The following TSC22D2 variants were observed in gnomAD, a reference collection of about 807,000 sequenced individuals.
TSC22D2 encodes the protein TSC22 domain family protein 2.
A neutral mutation model predicts 50.1 loss-of-function variants in TSC22D2; 5 were observed. The ratio of observed to expected loss-of-function variants is 0.10; its 90% CI spans 0.05 to 0.21. The LOEUF (loss-of-function observed/expected upper bound fraction) is 0.21, where lower values mean the gene tolerates loss of function less well. Among genes scored for constraint, TSC22D2 ranks in the 10% least tolerant of loss-of-function variants. TSC22D2 has a pLI of 1.00. For missense variants in TSC22D2, 1,003 were observed against 1,015.5 expected, an observed-to-expected ratio of 0.99 and a Z score of 0.17; for synonymous variants, 501 against 450.1, an observed-to-expected ratio of 1.11 and a Z score of -1.43.
In TSC22D2 at chr3:150,410,409, G is replaced by A. The variant is rs1719490388; in HGVS notation, c.1059G>A (p.Gln353=). ...CAGTGGGCGCCCCCGCGGCGCAGCA[G>A]CCCCAGCAGTTCGCGTATCCTCAGC... ...GPAVGAPAAQ[Q]PQQFAYPQPQ... Residue 353 remains glutamine, a synonymous_variant, in exon 1 of 3, where the codon CAG becomes CAA. Transcript: ENST00000688009. 18 of 1,608,626 alleles carry A rather than the reference G, an allele frequency of 1.1e-5. No homozygotes were observed. The highest frequency in any genetic ancestry group is 1.5e-5 in the Non-Finnish European group (18 of 1,178,354).
At chr3:150,434,208 G>A (rs1720466510) in intron 1 of TSC22D2, among the ~76,000 whole-genome samples, 1 of 151,124 alleles carries the variant, frequency 6.6e-6, no homozygotes, top group African/African-American at 2.4e-5. Context: ...GAATGCAGTG[G>A]CACAATGTTG....
rs1398960055 is a variant in TSC22D2, at chr3:150,461,944, A to G, written c.*3308A>G. ...AGAAATAGCTAATTGTCTGGAAACA[A>G]TTTTTAAGATTTGAAGTCACATTTT... On this transcript the variant is annotated 3_prime_UTR_variant, in exon 3 of 3. Coordinates refer to ENST00000688009, the MANE Select transcript of TSC22D2 (RefSeq NM_001303264.2). 1 of 152,078 alleles carries G rather than the reference A, an allele frequency of 6.6e-6. No individual in the cohort carries two copies. Among genetic ancestry groups the G allele is most frequent in the Non-Finnish European group, 1.5e-5 (1 of 68,018 alleles). 9.4% of individuals were successfully genotyped at this position (152,078 alleles called of 1,614,324 possible).
At chr3:150,440,643 G>A (rs1720685206) in intron 1 of TSC22D2, among the ~76,000 whole-genome samples, 1 of 144,718 alleles carries the variant, frequency 6.9e-6, no homozygotes, top group Admixed American at 7.0e-5. Context: ...CTATGTGAGA[G>A]TTTTCCATTT....
In TSC22D2 at chr3:150,464,168, A is replaced by G. The variant is rs1576563919; in HGVS notation, c.*5532A>G. 1 of 152,230 alleles carries G rather than the reference A, an allele frequency of 6.6e-6. No individual in the cohort carries two copies. Among genetic ancestry groups the G allele is most frequent in the Admixed American group, 6.6e-5 (1 of 15,266 alleles). 9.4% of individuals were successfully genotyped at this position (152,230 alleles called of 1,614,324 possible). A position where few individuals can be genotyped will look rare whatever the true frequency, so the allele number is the denominator to read the frequency against. ...ATGCCTACAATATTTCCATATAACAACTGTAAAATACTCTTGCCTGCTGCA... is the reference window on the plus strand; with the variant it reads ...ATGCCTACAATATTTCCATATAACAGCTGTAAAATACTCTTGCCTGCTGCA... On this transcript the variant is annotated 3_prime_UTR_variant, in exon 3 of 3. Coordinates refer to ENST00000688009, the MANE Select transcript of TSC22D2 (RefSeq NM_001303264.2).
chr3:150,451,549 G>A (rs1217040878), intron 1 of TSC22D2, among the ~76,000 whole-genome samples: 1 of 152,072 alleles, frequency 6.6e-6, no homozygotes, highest in African/African-American at 2.4e-5. Flanking sequence ...ACATAATTCT[G>A]GATTTATTTC....
At chr3:150,428,194 C>T (rs1053816502) in intron 1 of TSC22D2, among the ~76,000 whole-genome samples, 1 of 152,034 alleles carries the variant, frequency 6.6e-6, no homozygotes, top group African/African-American at 2.4e-5. Context: ...AGTCAGTTAA[C>T]TAAGATTGCC....
At chr3:150,421,976 A>C (rs145400926) in intron 1 of TSC22D2, among the ~76,000 whole-genome samples, 1 of 152,344 alleles carries the variant, frequency 6.6e-6, no homozygotes, top group African/African-American at 2.4e-5. Flanking sequence ...ATTGCCACCT[A>C]CTAGCTCAGT....
intron 1 of TSC22D2, among the ~76,000 whole-genome samples, chr3:150,414,862 G>C (rs1317488994): frequency 6.6e-6 from 1 of 151,254 alleles, no homozygotes; most frequent in Non-Finnish European, 1.5e-5. Context: ...TTTCTTACTT[G>C]AATCTCTGTT....
intron 1 of TSC22D2, among the ~76,000 whole-genome samples, chr3:150,413,563 T>G (rs1302309706): frequency 4.6e-5 from 5 of 109,624 alleles, no homozygotes; most frequent in Non-Finnish European, 9.5e-5. Context: ...TGTTTTGTGT[T>G]TTTTTTTTTT....
intron 1 of TSC22D2, among the ~76,000 whole-genome samples, chr3:150,411,683 G>A (rs1719577941): frequency 6.6e-6 from 1 of 152,100 alleles, no homozygotes; most frequent in South Asian, 2.1e-4. Context: ...GTCAGTGTGA[G>A]TTTTGAGGCT....
chr3:150,443,832 T>C (rs191747275), intron 1 of TSC22D2, among the ~76,000 whole-genome samples: 1 of 152,370 alleles, frequency 6.6e-6, no homozygotes, highest in Admixed American at 6.5e-5. Context: ...TGGTTTCTCC[T>C]TAAATCCATG....
intron 1 of TSC22D2, among the ~76,000 whole-genome samples, chr3:150,453,541 A>G (rs1050083525): frequency 6.6e-6 from 1 of 152,174 alleles, no homozygotes; most frequent in African/African-American, 2.4e-5. Flanking sequence ...GTTTGTTAAA[A>G]TAGATTACGG....
rs374904061 is a variant in TSC22D2, at chr3:150,452,385, C to T, written c.1959-4691C>T. Among the ~76,000 whole-genome samples the T allele has an allele frequency of 1.5e-4, 23 of 151,692 alleles. No homozygotes were observed. In the East Asian group the frequency reaches 3.9e-3, roughly 25 times the overall value. ...GCTTGAACCCGGGAGGAAGAAGTTG[C>T]GGTGAGCTGAGATCGCGCCATTTCA... On this transcript the variant is annotated intron_variant, in intron 1 of 2. Transcript: ENST00000688009.
At chr3:150,453,274 G>T (rs1358820519) in intron 1 of TSC22D2, among the ~76,000 whole-genome samples, 1 of 152,180 alleles carries the variant, frequency 6.6e-6, no homozygotes, top group Non-Finnish European at 1.5e-5. Flanking sequence ...ATAACATTAG[G>T]TGAAGGAAGG....
intron 1 of TSC22D2, 122 bp downstream of exon 1, chr3:150,411,430 T>C: frequency 9.1e-7 from 1 of 1,104,972 alleles, no homozygotes; most frequent in Non-Finnish European, 1.3e-6. Context: ...CAAAATTTAG[T>C]TTTTGGTAAA....
intron 1 of TSC22D2, among the ~76,000 whole-genome samples, chr3:150,428,594 T>TAA (rs34028047): frequency 0.042 from 5,805 of 138,440 alleles, 142 homozygotes; most frequent in Middle Eastern, 0.076. Flanking sequence ...CTGGGTATAG[T>TAA]AAAAAAAAAA....
In TSC22D2 at chr3:150,410,795, C is replaced by T. The variant is rs759622302; in HGVS notation, c.1445C>T (p.Pro482Leu). The T allele has an allele frequency of 2.8e-5, 45 of 1,612,768 alleles. 3 individuals carry two copies. In the South Asian group the frequency reaches 4.7e-4, roughly 17 times the overall value. Residue 482 changes from proline to leucine, a missense_variant, in exon 1 of 3, where the codon CCT (proline) becomes CTT (leucine). Physicochemically the swap from Pro to Leu is moderately conservative, Grantham distance 98. Transcript: ENST00000688009. ...GGGGCTGGGCAGCCCCAGTCCGTGCCTCCGCCGCAGATGGGTGGCAGTGGT... is the reference window on the plus strand; with the variant it reads ...GGGGCTGGGCAGCCCCAGTCCGTGCTTCCGCCGCAGATGGGTGGCAGTGGT... ...PAGAGQPQSV[P>L]PPQMGGSGPL...
At chr3:150,452,548 A>G (rs1401875913) in intron 1 of TSC22D2, among the ~76,000 whole-genome samples, 2 of 152,172 alleles carry the variant, frequency 1.3e-5, no homozygotes, top group Non-Finnish European at 2.9e-5. Context: ...TTGCTTTCTC[A>G]GTAATGTTGC....
chr3:150,434,152 G>GTT (rs75231849), intron 1 of TSC22D2, among the ~76,000 whole-genome samples: 7 of 135,436 alleles, frequency 5.2e-5, no homozygotes, highest in Admixed American at 7.3e-5. Context: ...AGGGTTTTTT[G>GTT]TTTTTTTTTT....
Sources: gnomAD v4.1 joint callset for allele counts (sites outside exome capture counted in the v4.1 genomes callset) on GRCh38, gnomAD v4.1.1 for gene constraint, MANE v1.5 for transcripts, NCBI Gene and HGNC (gene_info 2026-07-23, HGNC 2026-07-21) for gene names.